TOX: variants seen among roughly 807,000 people sequenced by gnomAD.
TOX encodes thymocyte selection-associated high mobility group box protein TOX.
Under a neutral mutation model 53.7 loss-of-function variants are expected in TOX, and 11 were observed. The ratio of observed to expected loss-of-function variants is 0.20; its 90% CI spans 0.13 to 0.34. The LOEUF is 0.34. Ranked by LOEUF, TOX falls within the 10% of genes least tolerant of loss-of-function variation. TOX has a pLI of 1.00. For missense variants in TOX, 570 were observed against 664.6 expected (o/e 0.86, Z 1.56); for synonymous variants, 225 against 245.3 (o/e 0.92, Z 0.77).
chr8:58,990,389 T>C (rs1396434418), intron 1 of TOX, among the ~76,000 whole-genome samples: 2 of 151,840 alleles, frequency 1.3e-5, no homozygotes, highest in Non-Finnish European at 2.9e-5. Flanking sequence ...CTTCTTTTTT[T>C]GTTTCTGTTA....
At chr8:58,893,268 T>C (rs552555603) in intron 3 of TOX, among the ~76,000 whole-genome samples, 2 of 152,330 alleles carry the variant, frequency 1.3e-5, no homozygotes, top group Admixed American at 6.5e-5. Context: ...AATGGAGTTC[T>C]CAACAACTTT....
At chr8:59,068,499 A>G (rs1804136371) in intron 1 of TOX, among the ~76,000 whole-genome samples, 1 of 151,942 alleles carries the variant, frequency 6.6e-6, no homozygotes, top group Non-Finnish European at 1.5e-5. Context: ...GAGCAGAATA[A>G]GGCGGAAAAA....
chr8:58,955,220 C>G (rs72651329), intron 2 of TOX, among the ~76,000 whole-genome samples: 53,471 of 151,698 alleles, frequency 0.35, 9,621 homozygotes, highest in East Asian at 0.42. Context: ...TGCTGGGGGT[C>G]GGGAGAGAGA....
At chr8:58,875,038 T>C (rs1811261333) in intron 3 of TOX, among the ~76,000 whole-genome samples, 1 of 152,202 alleles carries the variant, frequency 6.6e-6, no homozygotes, top group East Asian at 1.9e-4. Context: ...GGAGGAAGAT[T>C]CCTGCATTTC....
chr8:58,843,818 T>C (rs1464696591), intron 4 of TOX, among the ~76,000 whole-genome samples: 1 of 152,226 alleles, frequency 6.6e-6, no homozygotes, highest in Non-Finnish European at 1.5e-5. Flanking sequence ...GGCCTACTTT[T>C]GGAAGTAGCT....
intron 1 of TOX, among the ~76,000 whole-genome samples, chr8:59,088,540 T>A (rs531847749): frequency 2.0e-5 from 3 of 152,188 alleles, no homozygotes; most frequent in Non-Finnish European, 4.4e-5. Flanking sequence ...GACATCATAG[T>A]CCCTGTTTCT....
intron 1 of TOX, among the ~76,000 whole-genome samples, chr8:59,099,027 G>A (rs1804761172): frequency 6.6e-6 from 1 of 152,154 alleles, no homozygotes; most frequent in Admixed American, 6.5e-5. Flanking sequence ...AACCTACCTT[G>A]CTGTACTTTT....
rs547129367 is a variant in TOX at position 58,920,615 on chromosome 8, C to T, written c.411+18687G>A. 1.9e-4 allele frequency among the ~76,000 whole-genome samples: 20 copies of T among 104,374 alleles called. 1 individual carries two copies. The South Asian group carries it at 7.3e-3, about 38-fold the overall frequency. The allele number at this position is 104,374 out of a possible 152,430, so 68.5% of individuals were successfully genotyped here. A position where few individuals can be genotyped will look rare whatever the true frequency, so the allele number is the denominator to read the frequency against. On this transcript the variant is annotated intron_variant, in intron 3 of 8. Coordinates refer to ENST00000361421, the MANE Select transcript of TOX (RefSeq NM_014729.3). ...GAGATATACCTAATGCTAGATGACA[C>T]GTTAGTGGGTGCAGTGCACCAGCAT... is the stretch of plus-strand genomic sequence containing the variant.
intron 1 of TOX, among the ~76,000 whole-genome samples, chr8:59,114,187 TATTAG>T (rs1345548183): frequency 6.6e-6 from 1 of 152,252 alleles, no homozygotes; most frequent in Non-Finnish European, 1.5e-5. Context: ...GATATTTACA[TATTAG>T]TTTAGTTTTT....
At chr8:58,924,994 C>T (rs1216023274) in intron 3 of TOX, among the ~76,000 whole-genome samples, 2 of 152,184 alleles carry the variant, frequency 1.3e-5, no homozygotes, top group African/African-American at 2.4e-5. Context: ...CACTGCAGCG[C>T]TCCCTACTTT....
intron 3 of TOX, among the ~76,000 whole-genome samples, chr8:58,890,482 A>G (rs1176710341): frequency 6.6e-6 from 1 of 152,182 alleles, no homozygotes; most frequent in Non-Finnish European, 1.5e-5. Flanking sequence ...ATACAATGGC[A>G]AAGTATTTAA....
At chr8:59,026,915 A>T (rs913816524) in intron 1 of TOX, among the ~76,000 whole-genome samples, 3 of 151,938 alleles carry the variant, frequency 2.0e-5, no homozygotes, top group Non-Finnish European at 4.4e-5. Context: ...AAAAAAAAAA[A>T]AACCAAACCA....
At chr8:59,091,724 C>G (rs554311608) in intron 1 of TOX, among the ~76,000 whole-genome samples, 1 of 152,168 alleles carries the variant, frequency 6.6e-6, no homozygotes, top group Non-Finnish European at 1.5e-5. Flanking sequence ...TTATAAATGA[C>G]TTTCTTTCTC....
chr8:58,928,013 C>T (rs899369876), intron 3 of TOX, among the ~76,000 whole-genome samples: 3 of 152,180 alleles, frequency 2.0e-5, no homozygotes, highest in African/African-American at 7.2e-5. Flanking sequence ...CAACACTCCC[C>T]GGACAAGTTA....
intron 1 of TOX, among the ~76,000 whole-genome samples, chr8:59,037,897 A>G (rs758940464): frequency 6.6e-6 from 1 of 152,148 alleles, no homozygotes; most frequent in Non-Finnish European, 1.5e-5. Flanking sequence ...AAAACATCAA[A>G]TGTGTGTGTT....
At chr8:58,886,106 G>T (rs960693419) in intron 3 of TOX, among the ~76,000 whole-genome samples, 7 of 152,034 alleles carry the variant, frequency 4.6e-5, no homozygotes, top group African/African-American at 1.7e-4. Context: ...GTCTAAAAGG[G>T]GACAGCCTCT....
At chr8:59,010,521 T>C (rs1386384988) in intron 1 of TOX, among the ~76,000 whole-genome samples, 1 of 152,216 alleles carries the variant, frequency 6.6e-6, no homozygotes, top group Non-Finnish European at 1.5e-5. Context: ...GCCGTAATCA[T>C]GCTGGATTCC....
intron 3 of TOX, among the ~76,000 whole-genome samples, chr8:58,924,959 G>A (rs1000741488): frequency 3.3e-5 from 5 of 152,136 alleles, no homozygotes; most frequent in African/African-American, 1.2e-4. Flanking sequence ...AGAATGTGGG[G>A]TGGAGTTTGA....
At chr8:58,900,096 C>T (rs1383584355) in intron 3 of TOX, among the ~76,000 whole-genome samples, 1 of 151,916 alleles carries the variant, frequency 6.6e-6, no homozygotes, top group Non-Finnish European at 1.5e-5. Flanking sequence ...CAATAACATT[C>T]CCATTTGACC....
Sources: allele counts gnomAD v4.1 joint callset (sites outside exome capture counted in the v4.1 genomes callset), GRCh38; gene constraint gnomAD v4.1.1; transcripts MANE v1.5; gene names NCBI Gene and HGNC (gene_info 2026-07-23, HGNC 2026-07-21).